Variants in SNAP91 observed in about 807,000 individuals in gnomAD.
The protein encoded by SNAP91 is clathrin coat assembly protein AP180.
SNAP91 carries 27 observed loss-of-function variants against 100.3 expected under a neutral mutation model. The ratio of observed to expected loss-of-function variants is 0.27; its 90% CI spans 0.20 to 0.37. The LOEUF (loss-of-function observed/expected upper bound fraction) is 0.37, where lower values mean the gene tolerates loss of function less well. Among genes scored for constraint, SNAP91 ranks in the 10% least tolerant of loss-of-function variants. SNAP91 has a pLI of 1.00. For synonymous variants in SNAP91, 404 were observed against 398.6 expected (o/e 1.01, Z -0.16); for missense variants, 986 against 1,123.7 (o/e 0.88, Z 1.75).
intron 24 of SNAP91, among the ~76,000 whole-genome samples, chr6:83,578,568 T>A (rs897729321): frequency 6.6e-6 from 1 of 152,224 alleles, no homozygotes; most frequent in Non-Finnish European, 1.5e-5. Context: ...TTTGCCATTT[T>A]AAAAATTGCA....
chr6:83,609,986 T>C (rs1396895559), intron 12 of SNAP91, among the ~76,000 whole-genome samples: 7 of 152,198 alleles, frequency 4.6e-5, no homozygotes, highest in Non-Finnish European at 1.0e-4. Flanking sequence ...CTAAATTACA[T>C]ATACTATACT....
chr6:83,558,485 T>A (rs490132), intron 28 of SNAP91, among the ~76,000 whole-genome samples: 1 of 152,274 alleles, frequency 6.6e-6, no homozygotes, highest in Non-Finnish European at 1.5e-5. Flanking sequence ...AAGGCTAGGG[T>A]TTCTCACATT....
intron 5 of SNAP91, among the ~76,000 whole-genome samples, chr6:83,659,299 G>C (rs1284181896): frequency 2.6e-5 from 4 of 151,814 alleles, no homozygotes; most frequent in Non-Finnish European, 2.9e-5. Context: ...ATGCTTGTTT[G>C]TTTTCTATGT....
intron 5 of SNAP91, among the ~76,000 whole-genome samples, chr6:83,660,384 A>C (rs2098516646): frequency 6.6e-6 from 1 of 152,236 alleles, no homozygotes; most frequent in East Asian, 1.9e-4. Context: ...CCATGGTAAA[A>C]AAAGTAGCCC....
At chr6:83,707,533 A>AT (rs980550689) in intron 2 of SNAP91, among the ~76,000 whole-genome samples, 5 of 108,624 alleles carry the variant, frequency 4.6e-5, no homozygotes, top group African/African-American at 2.7e-4. Context: ...GTATATACAT[A>AT]TGCGTGTGTG....
At chr6:83,639,753 T>G (rs189943291) in intron 8 of SNAP91, among the ~76,000 whole-genome samples, 117 of 152,194 alleles carry the variant, frequency 7.7e-4, no homozygotes, top group Non-Finnish European at 1.3e-3. Flanking sequence ...AGCTCCTTAC[T>G]TACATACAAT....
Position 83,661,485 on chromosome 6 carries a change from G to A in SNAP91, c.452+17C>T. On this transcript the variant is annotated intron_variant, in intron 5 of 29. Transcript: ENST00000369694. ...ACTTATTCTCCTCTAATAAATATAA[G>A]AAAGACAAAAACATACCCTTTCTTC... is the stretch of plus-strand genomic sequence containing the variant. 6.7e-7 allele frequency: 1 copy of A among 1,495,074 alleles called. No individual in the cohort carries two copies. Among genetic ancestry groups the A allele is most frequent in the Non-Finnish European group, 9.2e-7 (1 of 1,086,698 alleles). 92.6% of individuals were successfully genotyped at this position (1,495,074 alleles called of 1,614,324 possible).
chr6:83,593,368 A>G, intron 18 of SNAP91, 109 bp from the exon 19 acceptor site: 1 of 1,515,978 alleles, frequency 6.6e-7, no homozygotes, highest in Non-Finnish European at 8.9e-7. Flanking sequence ...TTAAGCAGCA[A>G]ATGGTTTCTA....
chr6:83,635,250 C>G (rs1355373389), intron 8 of SNAP91, among the ~76,000 whole-genome samples: 2 of 152,124 alleles, frequency 1.3e-5, no homozygotes, highest in African/African-American at 4.8e-5. Context: ...TGAACTCCCT[C>G]ATTATTGTTG....
chr6:83,691,346 T>G (rs1444144629), intron 2 of SNAP91, among the ~76,000 whole-genome samples: 2 of 152,188 alleles, frequency 1.3e-5, no homozygotes, highest in Admixed American at 1.3e-4. Flanking sequence ...TGAATATCAG[T>G]AACCTTATTT....
chr6:83,675,483 G>GA (rs1407625396), intron 2 of SNAP91, among the ~76,000 whole-genome samples: 2 of 151,734 alleles, frequency 1.3e-5, no homozygotes, highest in African/African-American at 4.8e-5. Context: ...CTTTCATTTT[G>GA]AAAAAAATAT....
intron 17 of SNAP91, 139 bp downstream of exon 17, chr6:83,594,235 C>A: frequency 3.0e-6 from 2 of 670,712 alleles, no homozygotes; most frequent in Non-Finnish European, 2.6e-6. Flanking sequence ...TAAATGCTGG[C>A]ATTATTTATT....
rs558569946 is a variant in SNAP91, at chr6:83,594,747, G to C, written c.1325-266C>G. On this transcript the variant is annotated intron_variant, in intron 16 of 29. Transcript: ENST00000369694. Reference sequence around the variant, plus strand: ...GGTAATGAGATTCTCATTGTATAAGGGCTCTGAGAAGCATGTTTTATGTAT... The same window carrying C: ...GGTAATGAGATTCTCATTGTATAAGCGCTCTGAGAAGCATGTTTTATGTAT... 7.5e-4 allele frequency among the ~76,000 whole-genome samples: 113 copies of C among 151,206 alleles called. 1 individual carries two copies. Among genetic ancestry groups the C allele is most frequent in the Middle Eastern group, 3.5e-3 (1 of 288 alleles).
chr6:83,605,946 T>A (rs2095584128), intron 13 of SNAP91, 143 bp from the exon 14 acceptor site: 2 of 730,852 alleles, frequency 2.7e-6, no homozygotes, highest in East Asian at 6.0e-5. Context: ...AGTATAGAGC[T>A]ATAGCATATA....
Position 83,593,628 on chromosome 6 carries a change from G to A in SNAP91, c.1546C>T (p.Pro516Ser), listed in dbSNP as rs751939683. The A allele has an allele frequency of 6.2e-7, 1 of 1,611,450 alleles. No homozygotes were observed. The highest frequency in any genetic ancestry group is 8.5e-7 in the Non-Finnish European group (1 of 1,178,700). ...GAAGGAGCAGTTGCGGGAACTGGAG[G>A]GGCTGTGCTAGCTGTAGGGGTAACT... is the stretch of plus-strand genomic sequence containing the variant. The part of the protein sequence containing the change: ...PVVTPTASTA[P>S]PVPATAPSPA... The change falls in exon 18 of 30, where the codon CCT becomes TCT. Residue 516 changes from proline to serine, a missense_variant. Transcript: ENST00000369694.
At chr6:83,647,623 G>C (rs1025303484) in intron 7 of SNAP91, among the ~76,000 whole-genome samples, 5 of 152,050 alleles carry the variant, frequency 3.3e-5, no homozygotes, top group African/African-American at 1.2e-4. Flanking sequence ...ATGTTCATGA[G>C]AGATATTGGT....
chr6:83,618,481 AC>A (rs1165168082), intron 9 of SNAP91, among the ~76,000 whole-genome samples: 1 of 151,936 alleles, frequency 6.6e-6, no homozygotes, highest in Non-Finnish European at 1.5e-5. Flanking sequence ...CTAATAAAAC[AC>A]AACTAAGACA....
chr6:83,699,525 T>A (rs1298502500), intron 2 of SNAP91, among the ~76,000 whole-genome samples: 1 of 152,170 alleles, frequency 6.6e-6, no homozygotes, highest in Non-Finnish European at 1.5e-5. Context: ...ACAAAAGGTA[T>A]ATTTAGATTT....
intron 2 of SNAP91, chr6:83,690,489 C>G: frequency 2.8e-6 from 3 of 1,055,646 alleles, no homozygotes; most frequent in Non-Finnish European, 3.8e-6. Context: ...ACTCAACTCT[C>G]TGCTAAAGCA....
Sources: gnomAD v4.1 joint callset for allele counts (sites outside exome capture counted in the v4.1 genomes callset) on GRCh38, gnomAD v4.1.1 for gene constraint, MANE v1.5 for transcripts, NCBI Gene and HGNC (gene_info 2026-07-23, HGNC 2026-07-21) for gene names.